PACC1: variants seen among roughly 807,000 people sequenced by gnomAD.
PACC1 encodes the protein proton-activated chloride channel.
A neutral mutation model predicts 39.7 loss-of-function variants in PACC1; 34 were observed. The ratio of observed to expected loss-of-function variants is 0.86; its 90% confidence interval spans 0.65 to 1.14. The LOEUF (loss-of-function observed/expected upper bound fraction) is 1.14, where lower values mean the gene tolerates loss of function less well. Ranked by LOEUF, PACC1 falls within the 50% of genes most tolerant of loss-of-function variation. The pLI is 0.00. For synonymous variants in PACC1, 127 were observed against 160.6 expected (o/e 0.79, Z 1.58); for missense variants, 379 against 436.4 (o/e 0.87, Z 1.17).
chr1:212,384,898 A>C (rs999888809), intron 4 of PACC1, among the ~76,000 whole-genome samples: 1 of 152,214 alleles, frequency 6.6e-6, no homozygotes, highest in Admixed American at 6.5e-5. Flanking sequence ...CTTCACATGG[A>C]ACCTAGAAAT....
At chr1:212,378,850 C>T (rs573831300) in intron 5 of PACC1, among the ~76,000 whole-genome samples, 1 of 152,296 alleles carries the variant, frequency 6.6e-6, no homozygotes, top group East Asian at 1.9e-4. Flanking sequence ...ACCAAACCTC[C>T]TCCTCAGCCT....
chr1:212,401,589 G>A (rs1429297147), intron 2 of PACC1, among the ~76,000 whole-genome samples: 1 of 128,522 alleles, frequency 7.8e-6, no homozygotes, highest in Non-Finnish European at 1.6e-5. Flanking sequence ...CGGCGCCACT[G>A]CACTCCAGCC....
intron 5 of PACC1, among the ~76,000 whole-genome samples, chr1:212,378,204 G>C (rs1660737437): frequency 6.6e-6 from 1 of 152,220 alleles, no homozygotes; most frequent in African/African-American, 2.4e-5. Context: ...TACAGCATCA[G>C]CCCCAAGACG....
chr1:212,413,694 C>T (rs1004964271), intron 1 of PACC1, among the ~76,000 whole-genome samples: 1 of 152,186 alleles, frequency 6.6e-6, no homozygotes, highest in Non-Finnish European at 1.5e-5. Context: ...CTGTTCAGAG[C>T]TTTGGGAGCC....
chr1:212,414,422 G>C (rs1232491060), intron 1 of PACC1, among the ~76,000 whole-genome samples: 3 of 152,200 alleles, frequency 2.0e-5, no homozygotes, highest in Non-Finnish European at 4.4e-5. Context: ...CTGGGCCTCA[G>C]GTAGCTTCAA....
At chr1:212,410,357 T>C (rs1200008331) in intron 2 of PACC1, 68 bp downstream of exon 2, 5 of 1,449,466 alleles carry the variant, frequency 3.4e-6, no homozygotes, top group African/African-American at 2.8e-5. Context: ...TCTCCCACAG[T>C]TGGCAAGGCG....
intron 2 of PACC1, among the ~76,000 whole-genome samples, chr1:212,406,843 T>C (rs1661937534): frequency 6.6e-6 from 1 of 152,194 alleles, no homozygotes; most frequent in Admixed American, 6.5e-5. Flanking sequence ...CCAAGGACAT[T>C]AGGGCCACCT....
chr1:212,414,631 G>GCCCCCCCCCCCCCCCCC, intron 1 of PACC1, 91 bp downstream of exon 1: 1 of 1,505,830 alleles, frequency 6.6e-7, no homozygotes. Context: ...CTGCCGCGCA[G>GCCCCCCCCCCCCCCCCC]CCCCGACACC....
At chr1:212,398,876 C>T (rs1299990501) in intron 2 of PACC1, among the ~76,000 whole-genome samples, 1 of 152,200 alleles carries the variant, frequency 6.6e-6, no homozygotes, top group Non-Finnish European at 1.5e-5. Flanking sequence ...AGATACCTCA[C>T]AAGACACTGA....
chr1:212,397,618 C>A (rs1448339723), intron 2 of PACC1, among the ~76,000 whole-genome samples: 1 of 152,156 alleles, frequency 6.6e-6, no homozygotes, highest in African/African-American at 2.4e-5. Flanking sequence ...GTACTAGGTG[C>A]TTCAGGGAGA....
At chr1:212,402,499 T>C (rs907113179) in intron 2 of PACC1, among the ~76,000 whole-genome samples, 15 of 152,370 alleles carry the variant, frequency 9.8e-5, no homozygotes, top group Non-Finnish European at 7.3e-5. Flanking sequence ...TGCCCATTTT[T>C]AAACTGAGTT....
At chr1:212,365,496 T>C in intron 7 of PACC1, 120 bp from the exon 8 acceptor site, 3 of 1,093,388 alleles carry the variant, frequency 2.7e-6, no homozygotes, top group Non-Finnish European at 3.8e-6. Flanking sequence ...CGTGGCGCAA[T>C]CTCGGCTCAG....
At position 212,365,319 on chromosome 1, in the gene PACC1, A is replaced by C; in HGVS notation, c.949T>G (p.Leu317Val). Reference protein sequence around the residue: ...IALLCGAFLALFKAAEFAKLS... With the variant: ...IALLCGAFLAVFKAAEFAKLS... ...TTGGCAAACTCTGCTGCTTTAAATA[A>C]TGCCAAGAAGGCGCCACAGAGAAGA... The change falls in exon 8 of 8, where the codon TTA (leucine) becomes GTA (valine). Residue 317 changes from leucine to valine, a missense_variant. Physicochemically the swap from Leu to Val is conservative, Grantham distance 32 (BLOSUM62 1). Transcript: ENST00000261455. 6.2e-7 allele frequency: 1 copy of C among 1,613,906 alleles called. No homozygotes were observed. The highest frequency in any genetic ancestry group is 8.5e-7 in the Non-Finnish European group (1 of 1,179,984).
rs141336201 is a variant in PACC1, at chr1:212,414,724, C to A, written c.34G>T (p.Glu12Ter). ...IRQERSTSYQ[E>*]LSEELVQVVE... The stretch of plus-strand genomic sequence containing the variant: ...TTCCGTCTCTCACAACCTCGTACCT[C>A]CTGGTAGGATGTGGAGCGCTCCTGC... The change falls in exon 1 of 8, where the codon GAG (glutamate) becomes TAG (stop). Residue 12 changes from glutamate to a stop codon, truncating the protein, a stop_gained and splice_region_variant. Transcript: ENST00000261455. LOFTEE classifies it high-confidence loss of function. The A allele has an allele frequency of 1.9e-4, 302 of 1,613,524 alleles. No individual in the cohort carries two copies. The highest frequency in any genetic ancestry group is 2.3e-4 in the Non-Finnish European group (273 of 1,179,614).
intron 2 of PACC1, among the ~76,000 whole-genome samples, chr1:212,405,428 T>C (rs1661872683): frequency 6.6e-6 from 1 of 152,120 alleles, no homozygotes; most frequent in African/African-American, 2.4e-5. Context: ...GTGTTAACTG[T>C]TACAAAGGAA....
chr1:212,386,815 C>T lies in PACC1; in HGVS notation c.343+76G>A, dbSNP rs919007964. The T allele has an allele frequency of 2.1e-5, 30 of 1,427,392 alleles. No individual in the cohort carries two copies. Among genetic ancestry groups the T allele is most frequent in the African/African-American group, 1.3e-4 (9 of 71,144 alleles). The allele number at this position is 1,427,392 out of a possible 1,614,324, so 88.4% of individuals were successfully genotyped here. A position where few individuals can be genotyped will look rare whatever the true frequency, so the allele number is the denominator to read the frequency against. On this transcript the variant is annotated intron_variant, in intron 3 of 7. Transcript: ENST00000261455. The surrounding 1 kb of genome is among the most constrained non-coding windows in gnomAD (Gnocchi z 5.0). Reference sequence around the variant, plus strand: ...CCTGCCCGTAGTACCACAAATACAACGGCAGCTCAGGGAGTATCTGCCAGC... The same window carrying T: ...CCTGCCCGTAGTACCACAAATACAATGGCAGCTCAGGGAGTATCTGCCAGC...
intron 2 of PACC1, among the ~76,000 whole-genome samples, chr1:212,402,867 T>C (rs1405967813): frequency 1.3e-5 from 2 of 152,214 alleles, no homozygotes; most frequent in African/African-American, 2.4e-5. Context: ...TTGGTCAGGC[T>C]GGTCTCAAAA....
At chr1:212,400,541 T>A (rs1347207965) in intron 2 of PACC1, among the ~76,000 whole-genome samples, 1 of 152,102 alleles carries the variant, frequency 6.6e-6, no homozygotes, top group Non-Finnish European at 1.5e-5. Flanking sequence ...ATAAAAACTG[T>A]AAAACTATTT....
At chr1:212,374,070 T>G (rs66611603) in intron 7 of PACC1, among the ~76,000 whole-genome samples, 17,518 of 144,522 alleles carry the variant, frequency 0.12, 2,611 homozygotes, top group African/African-American at 0.36. Flanking sequence ...AAAAAGGAAA[T>G]CAGTGTATCA....
Sources: gnomAD v4.1 joint callset for allele counts (sites outside exome capture counted in the v4.1 genomes callset) on GRCh38, gnomAD v4.1.1 for gene constraint, Gnocchi (gnomAD v3.1) non-coding constraint, MANE v1.5 for transcripts, NCBI Gene and HGNC (gene_info 2026-07-23, HGNC 2026-07-21) for gene names.